Variants in WDPCP observed in about 807,000 individuals in gnomAD.
The protein encoded by WDPCP is WD repeat-containing and planar cell polarity effector protein fritz homolog.
WDPCP carries 71 observed loss-of-function variants against 93.1 expected under a neutral mutation model. The ratio of observed to expected loss-of-function variants is 0.76; its 90% CI spans 0.63 to 0.93. The LOEUF (loss-of-function observed/expected upper bound fraction) is 0.93. WDPCP is among the 40% of genes least tolerant of loss of function. The pLI is 0.00. For missense variants in WDPCP, 844 were observed against 887.4 expected, an observed-to-expected ratio of 0.95 and a Z score of 0.62; for synonymous variants, 315 against 315.0, an observed-to-expected ratio of 1.00 and a Z score of 0.00.
At chr2:63,652,968 A>G (rs1710124996) in intron 2 of WDPCP, among the ~76,000 whole-genome samples, 1 of 152,208 alleles carries the variant, frequency 6.6e-6, no homozygotes, top group Non-Finnish European at 1.5e-5. Flanking sequence ...AGAAACAACC[A>G]TTCTCAGATA....
chr2:63,321,279 G>A lies in WDPCP; in HGVS notation c.1749-7968C>T, dbSNP rs546641358. 2.6e-5 allele frequency among the ~76,000 whole-genome samples: 4 copies of A among 151,752 alleles called. No individual in the cohort carries two copies. The South Asian group carries it at 8.3e-4, about 32-fold the overall frequency. On this transcript the variant is annotated intron_variant, in intron 12 of 17. Transcript: ENST00000272321. The stretch of plus-strand genomic sequence containing the variant: ...CTATATTCATGTAACTGATATTATA[G>A]AACAATATCAGTCTGAAGTACTGAA...
intron 1 of WDPCP, among the ~76,000 whole-genome samples, chr2:63,574,951 T>C (rs949929133): frequency 6.6e-6 from 1 of 152,238 alleles, no homozygotes; most frequent in African/African-American, 2.4e-5. Flanking sequence ...AATATCATTA[T>C]TGAGTTAAAT....
At chr2:63,296,955 C>T (rs371798373) in intron 13 of WDPCP, among the ~76,000 whole-genome samples, 31 of 152,026 alleles carry the variant, frequency 2.0e-4, no homozygotes, top group African/African-American at 7.0e-4. Flanking sequence ...AAGTTCTTAT[C>T]GAATCAAAAA....
intron 2 of WDPCP, among the ~76,000 whole-genome samples, chr2:63,779,904 TTC>T (rs1487304592): frequency 6.6e-6 from 1 of 152,220 alleles, no homozygotes; most frequent in Non-Finnish European, 1.5e-5. Context: ...ATACTTTCAT[TTC>T]TTTTTCCAAA....
At chr2:63,700,282 C>CAAAAAAAAAAAAAAA (rs1196006011) in intron 2 of WDPCP, among the ~76,000 whole-genome samples, 1 of 41,566 alleles carries the variant, frequency 2.4e-5, no homozygotes, top group African/African-American at 1.0e-4. Context: ...GACCCTGTCT[C>CAAAAAAAAAAAAAAA]AAAAAAAAAA....
chr2:63,645,526 T>C (rs1710037548), intron 3 of WDPCP, among the ~76,000 whole-genome samples: 1 of 152,200 alleles, frequency 6.6e-6, no homozygotes, highest in African/African-American at 2.4e-5. Context: ...TCCATTTGGT[T>C]TATAGTGCAG....
chr2:63,723,788 A>G (rs1213411231), intron 2 of WDPCP, among the ~76,000 whole-genome samples: 3 of 152,154 alleles, frequency 2.0e-5, no homozygotes, highest in Non-Finnish European at 4.4e-5. Context: ...ATTAAATGAC[A>G]TTCTCATTTT....
chr2:63,479,740 G>C (rs1261041717), intron 6 of WDPCP, among the ~76,000 whole-genome samples: 2 of 152,086 alleles, frequency 1.3e-5, no homozygotes, highest in African/African-American at 4.8e-5. Context: ...CATTTCCCCT[G>C]AGAAGTGGAA....
chr2:63,568,905 C>T (rs1048923871), intron 1 of WDPCP, among the ~76,000 whole-genome samples: 7 of 152,184 alleles, frequency 4.6e-5, no homozygotes, highest in Non-Finnish European at 8.8e-5. Flanking sequence ...TTCTTTATCA[C>T]GGCTAGCAGA....
intron 1 of WDPCP, among the ~76,000 whole-genome samples, chr2:63,575,753 G>A (rs1708072039): frequency 6.6e-6 from 1 of 151,004 alleles, no homozygotes; most frequent in Non-Finnish European, 1.5e-5. Context: ...ACAGCATTCA[G>A]CATATACAAA....
chr2:63,755,329 A>G (rs1478127319), intron 2 of WDPCP, among the ~76,000 whole-genome samples: 1 of 152,164 alleles, frequency 6.6e-6, no homozygotes, highest in Non-Finnish European at 1.5e-5. Context: ...TTAAGGACAA[A>G]TCCTATTTGC....
intron 14 of WDPCP, among the ~76,000 whole-genome samples, chr2:63,188,642 T>G (rs561675447): frequency 6.6e-6 from 1 of 152,224 alleles, no homozygotes; most frequent in South Asian, 2.1e-4. Context: ...CTTTATAATT[T>G]TTTGAAAATA....
At chr2:63,697,581 G>T (rs1371999119) in intron 2 of WDPCP, among the ~76,000 whole-genome samples, 1 of 152,118 alleles carries the variant, frequency 6.6e-6, no homozygotes, top group Non-Finnish European at 1.5e-5. Context: ...CTGAGAAGTT[G>T]CATTTAAGTG....
At chr2:63,727,998 A>G (rs189659541) in intron 2 of WDPCP, among the ~76,000 whole-genome samples, 1 of 152,154 alleles carries the variant, frequency 6.6e-6, no homozygotes, top group Non-Finnish European at 1.5e-5. Context: ...CTTCCCCCTC[A>G]GTACTACAAA....
At chr2:63,214,703 T>C (rs974832515) in intron 14 of WDPCP, among the ~76,000 whole-genome samples, 2 of 152,208 alleles carry the variant, frequency 1.3e-5, no homozygotes, top group African/African-American at 4.8e-5. Flanking sequence ...GCAGATGACA[T>C]GATTGTATAT....
chr2:63,149,066 C>G (rs1339044998), intron 17 of WDPCP, among the ~76,000 whole-genome samples: 1 of 151,874 alleles, frequency 6.6e-6, no homozygotes. Context: ...TTTTCGTCAA[C>G]CACAAAGACA....
intron 2 of WDPCP, among the ~76,000 whole-genome samples, chr2:63,657,345 C>A (rs1437887962): frequency 6.6e-6 from 1 of 151,748 alleles, no homozygotes; most frequent in Non-Finnish European, 1.5e-5. Context: ...GCTGGGACTA[C>A]AGGCACCCGC....
chr2:63,317,417 A>AAAG (rs1320785586), intron 12 of WDPCP, among the ~76,000 whole-genome samples: 1 of 151,556 alleles, frequency 6.6e-6, no homozygotes, highest in East Asian at 1.9e-4. Context: ...TCAAAAAAAA[A>AAAG]AAAAAATTAT....
At chr2:63,335,068 A>T (rs78819641) in intron 12 of WDPCP, among the ~76,000 whole-genome samples, 2,281 of 152,246 alleles carry the variant, frequency 0.015, 62 homozygotes, top group African/African-American at 0.052. Flanking sequence ...TATCTTATTT[A>T]AAAAATGCAG....
Sources: gnomAD v4.1 joint callset for allele counts (sites outside exome capture counted in the v4.1 genomes callset) on GRCh38, gnomAD v4.1.1 for gene constraint, MANE v1.5 for transcripts, NCBI Gene and HGNC (gene_info 2026-07-23, HGNC 2026-07-21) for gene names.